The following CLVS1 variants were observed in gnomAD, a reference collection of about 807,000 sequenced individuals.
CLVS1 encodes clavesin-1.
Under a neutral mutation model 33.1 loss-of-function variants are expected in CLVS1, and 10 were observed. That is an observed-to-expected ratio of 0.30 (90% CI 0.19 to 0.51). The LOEUF is 0.51. CLVS1 is among the 20% of genes least tolerant of loss of function. The probability of loss-of-function intolerance (pLI) is 0.97; values close to 1 mark genes in which losing one functional copy is unlikely to be tolerated. For missense variants in CLVS1, 343 were observed against 433.4 expected (o/e 0.79, Z 1.85); for synonymous variants, 163 against 166.1 (o/e 0.98, Z 0.14).
chr8:61,396,771 G>C (rs1016087236), intron 3 of CLVS1, among the ~76,000 whole-genome samples: 1 of 152,162 alleles, frequency 6.6e-6, no homozygotes, highest in South Asian at 2.1e-4. Flanking sequence ...TGGACATTTC[G>C]CATAAATGGA....
chr8:61,414,422 A>G (rs1019194932), intron 3 of CLVS1, among the ~76,000 whole-genome samples: 2 of 147,232 alleles, frequency 1.4e-5, no homozygotes, highest in African/African-American at 5.1e-5. Flanking sequence ...TTTTTTTCAT[A>G]TTTTTCCATT....
intron 5 of CLVS1, among the ~76,000 whole-genome samples, chr8:61,472,015 C>A (rs1311804397): frequency 1.3e-5 from 2 of 152,140 alleles, no homozygotes; most frequent in Admixed American, 6.5e-5. Flanking sequence ...CCAGGACAGC[C>A]CTGCTCCAGC....
chr8:61,238,758 A>G (rs894917023), intron 2 of CLVS1, among the ~76,000 whole-genome samples: 1 of 152,266 alleles, frequency 6.6e-6, no homozygotes, highest in African/African-American at 2.4e-5. Context: ...CTTTAAGAAG[A>G]TTCCATCAAA....
Position 61,450,973 on chromosome 8 carries a change from A to G in CLVS1, c.631-3168A>G, listed in dbSNP as rs150496812. On this transcript the variant is annotated intron_variant, in intron 3 of 5. Transcript: ENST00000325897. ...CGGAGCCAGCTTTAAGAGCTTAGGT[A>G]TGATTCTTCCATGTGGTTTTCCTGG... Among the ~76,000 whole-genome samples, 294 of 152,290 alleles carry G rather than the reference A, an allele frequency of 1.9e-3. 3 individuals are homozygous for G. Among genetic ancestry groups the G allele is most frequent in the Middle Eastern group, 3.4e-3 (1 of 294 alleles).
At chr8:61,482,232 C>T (rs533692870) in intron 5 of CLVS1, among the ~76,000 whole-genome samples, 159 of 152,274 alleles carry the variant, frequency 1.0e-3, no homozygotes, top group African/African-American at 3.6e-3. Context: ...GTAGGTAAAA[C>T]CACAAAGATA....
intron 3 of CLVS1, among the ~76,000 whole-genome samples, chr8:61,395,511 AT>A (rs566660540): frequency 3.9e-4 from 60 of 152,370 alleles, no homozygotes; most frequent in African/African-American, 1.4e-3. Context: ...GGATATGTTA[AT>A]TAGCTTGATT....
chr8:61,227,484 T>C (rs1808356470), intron 2 of CLVS1, among the ~76,000 whole-genome samples: 1 of 152,182 alleles, frequency 6.6e-6, no homozygotes, highest in Non-Finnish European at 1.5e-5. Flanking sequence ...TTTTGTCACA[T>C]TCTCTCCTGT....
chr8:61,387,457 G>C (rs1256386285), intron 3 of CLVS1, among the ~76,000 whole-genome samples: 2 of 130,594 alleles, frequency 1.5e-5, no homozygotes, highest in South Asian at 2.5e-4. Context: ...AAATTCCACT[G>C]TACAGTTCCT....
At chr8:61,228,693 C>T (rs935801935) in intron 2 of CLVS1, among the ~76,000 whole-genome samples, 1 of 152,162 alleles carries the variant, frequency 6.6e-6, no homozygotes, top group Non-Finnish European at 1.5e-5. Flanking sequence ...TAATGTCCTC[C>T]AGGTTCATCT....
intron 2 of CLVS1, among the ~76,000 whole-genome samples, chr8:61,145,406 T>C (rs1158366240): frequency 6.6e-6 from 1 of 152,222 alleles, no homozygotes; most frequent in Non-Finnish European, 1.5e-5. Context: ...GGAGTGTGAT[T>C]GGTTTTCTGA....
chr8:61,204,472 C>T (rs1807799757), intron 2 of CLVS1, among the ~76,000 whole-genome samples: 1 of 152,270 alleles, frequency 6.6e-6, no homozygotes, highest in East Asian at 1.9e-4. Context: ...ATTGCTCACA[C>T]TATTAAAAAT....
At chr8:61,490,407 G>T (rs1049008663) in intron 5 of CLVS1, among the ~76,000 whole-genome samples, 1 of 151,490 alleles carries the variant, frequency 6.6e-6, no homozygotes, top group African/African-American at 2.4e-5. Context: ...TGTGGCTCAC[G>T]CCTGTAATCT....
chr8:61,088,977 T>G lies in CLVS1; in HGVS notation c.-243+31747T>G, dbSNP rs192596634. On this transcript the variant is annotated intron_variant, in intron 1 of 2. Coordinates refer to the CLVS1 transcript ENST00000522621. Reference sequence around the variant, plus strand: ...CCACTACGCCTGGCTAATTTTTTTGTATTTTTGGTAGAGACGGGGTTTCAC... The same window carrying G: ...CCACTACGCCTGGCTAATTTTTTTGGATTTTTGGTAGAGACGGGGTTTCAC... Among the ~76,000 whole-genome samples, 23 of 152,188 alleles carry G rather than the reference T, an allele frequency of 1.5e-4. No individual in the cohort carries two copies. In the East Asian group the frequency reaches 4.3e-3, roughly 28 times the overall value.
At chr8:61,381,509 G>GT (rs1289196746) in intron 3 of CLVS1, among the ~76,000 whole-genome samples, 1 of 152,146 alleles carries the variant, frequency 6.6e-6, no homozygotes, top group Non-Finnish European at 1.5e-5. Context: ...CGTTGCTGAG[G>GT]TTTGGTGTAC....
At chr8:61,225,880 T>A (rs2978542) in intron 2 of CLVS1, among the ~76,000 whole-genome samples, 96,434 of 152,100 alleles carry the variant, frequency 0.63, 33,067 homozygotes, top group East Asian at 0.97. Context: ...AATCCCCAGG[T>A]TGCATCTGCC....
intron 1 of CLVS1, among the ~76,000 whole-genome samples, chr8:61,079,738 T>C (rs1804987954): frequency 6.6e-6 from 1 of 151,976 alleles, no homozygotes; most frequent in South Asian, 2.1e-4. Context: ...AATTAATAGC[T>C]GCTTACATTT....
chr8:61,213,174 A>G lies in CLVS1; in HGVS notation c.-152+81314A>G, dbSNP rs567676038. On this transcript the variant is annotated intron_variant, in intron 2 of 2. Transcript: ENST00000522621. The stretch of plus-strand genomic sequence containing the variant: ...TGGTTTAGTGTCACCCCTTGGGGAT[A>G]TTCAAGGCTCAGTTTAGGTTCCCAG... 5.4e-4 allele frequency among the ~76,000 whole-genome samples: 81 copies of G among 151,092 alleles called. No individual in the cohort carries two copies. The Middle Eastern group carries it at 0.01, about 19-fold the overall frequency.
chr8:61,481,986 C>T (rs1434530036), intron 5 of CLVS1, among the ~76,000 whole-genome samples: 3 of 152,194 alleles, frequency 2.0e-5, no homozygotes, highest in Non-Finnish European at 4.4e-5. Context: ...CTAGGTGCCC[C>T]TCTGAGACGA....
Position 61,499,843 on chromosome 8 carries a change from A to AAAT in CLVS1, c.*302_*304dup, listed in dbSNP as rs1310887974. ...GTAGTAAATTGAAAAAATAAAGACT[A>AAAT]AATTTGATGGACACACTGCATTAGG... On this transcript the variant is annotated 3_prime_UTR_variant, in exon 6 of 6. Transcript: ENST00000325897. The AAAT allele has an allele frequency of 6.7e-5, 15 of 223,084 alleles. No homozygotes were observed. The highest frequency in any genetic ancestry group is 3.1e-4 in the African/African-American group (14 of 44,910). 13.8% of individuals were successfully genotyped at this position (223,084 alleles called of 1,614,324 possible).
Sources: allele counts gnomAD v4.1 joint callset (sites outside exome capture counted in the v4.1 genomes callset), GRCh38; gene constraint gnomAD v4.1.1; transcripts MANE v1.5; gene names NCBI Gene and HGNC (gene_info 2026-07-23, HGNC 2026-07-21).